The following USP30 variants were observed in gnomAD, a reference collection of about 807,000 sequenced individuals.
The protein encoded by USP30 is ubiquitin specific peptidase 30, also known as ubiquitin carboxyl-terminal hydrolase 30.
In USP30, 41 loss-of-function variants were observed where a neutral mutation model predicts 68.2. That is an observed-to-expected ratio of 0.60 (90% CI 0.47 to 0.78). USP30 has a LOEUF of 0.78. USP30 is among the 30% of genes least tolerant of loss of function. USP30 has a pLI of 0.00. For missense variants in USP30, 522 were observed against 649.4 expected (o/e 0.80, Z 2.13); for synonymous variants, 229 against 253.7 (o/e 0.90, Z 0.93).
chr12:109,048,503 A>T (rs974903028), upstream of USP30, among the ~76,000 whole-genome samples: 1 of 151,986 alleles, frequency 6.6e-6, no homozygotes, highest in Non-Finnish European at 1.5e-5. Context: ...GGCAGTGGTG[A>T]TTCCGTATCT....
At chr12:109,032,222 T>C (rs1015845554) in intron 3 of USP30, among the ~76,000 whole-genome samples, 1 of 152,060 alleles carries the variant, frequency 6.6e-6, no homozygotes, top group Non-Finnish European at 1.5e-5. Flanking sequence ...GAGGGTTGCT[T>C]GAGCCCAGGA....
upstream of USP30, among the ~76,000 whole-genome samples, chr12:109,048,078 CTTT>C (rs571441531): frequency 4.5e-5 from 6 of 134,326 alleles, no homozygotes; most frequent in Non-Finnish European, 4.8e-5. Context: ...AGAATGCCTA[CTTT>C]TTTTTTTTTT....
chr12:109,060,309 GA>G (rs1305959273), intron 3 of USP30, among the ~76,000 whole-genome samples: 3 of 151,984 alleles, frequency 2.0e-5, no homozygotes, highest in African/African-American at 4.8e-5. Flanking sequence ...ATCATTTTTG[GA>G]AAAAAACTAT....
At chr12:109,045,014 G>GT (rs2040592601) in intron 3 of USP30, among the ~76,000 whole-genome samples, 6 of 68,422 alleles carry the variant, frequency 8.8e-5, no homozygotes, top group Admixed American at 6.1e-4. Context: ...TTTTTTTTCT[G>GT]TTACCCAGGC....
At chr12:109,025,063 C>G (rs1280974893) in exon 2 of USP30, 3 of 152,196 alleles carry the variant, frequency 2.0e-5, no homozygotes, top group African/African-American at 7.2e-5. Flanking sequence ...AGAACAGAAA[C>G]AGAGGAAAGG....
intron 1 of USP30, among the ~76,000 whole-genome samples, chr12:109,023,487 A>G (rs2135643248): frequency 6.6e-6 from 1 of 152,210 alleles, no homozygotes; most frequent in South Asian, 2.1e-4. Flanking sequence ...GCCAGGAAGC[A>G]GAGGTTGCAA....
intron 2 of USP30, among the ~76,000 whole-genome samples, chr12:109,025,895 C>T (rs1444627474): frequency 6.6e-6 from 1 of 151,958 alleles, no homozygotes; most frequent in Non-Finnish European, 1.5e-5. Flanking sequence ...GCTTCATTGC[C>T]CAGGCCGATC....
chr12:109,079,351 CTTTTTTTTTTT>C (rs71079521), intron 7 of USP30, among the ~76,000 whole-genome samples: 76 of 48,794 alleles, frequency 1.6e-3, no homozygotes, highest in Non-Finnish European at 2.1e-3. Flanking sequence ...TTTTTTTTTT[CTTTTTTTTTTT>C]TTTTTTTTTT....
chr12:109,059,860 C>T (rs2041007190), intron 3 of USP30: 1 of 152,060 alleles, frequency 6.6e-6, no homozygotes, highest in African/African-American at 2.4e-5. Context: ...TTTTTTTCTT[C>T]ATAAAATCTG....
At chr12:109,068,848 A>G (rs2041341429) in intron 4 of USP30, among the ~76,000 whole-genome samples, 1 of 152,188 alleles carries the variant, frequency 6.6e-6, no homozygotes, top group South Asian at 2.1e-4. Context: ...TTCTCTTTGA[A>G]GGTACCCAGA....
rs760981398 is a variant in USP30, at chr12:109,084,937, C to A, written c.1169-16C>A. 1.9e-6 allele frequency: 3 copies of A among 1,555,432 alleles called. No individual in the cohort carries two copies. Among genetic ancestry groups the A allele is most frequent in the Admixed American group, 1.9e-5 (1 of 52,238 alleles). On this transcript the variant is annotated splice_polypyrimidine_tract_variant and intron_variant, in intron 11 of 12. Coordinates refer to ENST00000257548, the MANE Select transcript of USP30 (RefSeq NM_032663.5). ...CACTGCTAATTTTCATTGACTCGGGCCTTTTTCTCTTGCAGTTCTGAATCA... is the reference window on the plus strand; with the variant it reads ...CACTGCTAATTTTCATTGACTCGGGACTTTTTCTCTTGCAGTTCTGAATCA...
At chr12:109,073,817 GTT>G (rs2041517201) in intron 7 of USP30, among the ~76,000 whole-genome samples, 1 of 152,074 alleles carries the variant, frequency 6.6e-6, no homozygotes, top group East Asian at 1.9e-4. Context: ...TCTAGGGCTG[GTT>G]TTTTCCCCTT....
At chr12:109,068,817 C>T (rs181594375) in intron 4 of USP30, among the ~76,000 whole-genome samples, 251 of 152,328 alleles carry the variant, frequency 1.6e-3, no homozygotes, top group Middle Eastern at 3.4e-3. Flanking sequence ...AAGAGGTGAA[C>T]ACGTCTGTCC....
intron 11 of USP30, among the ~76,000 whole-genome samples, chr12:109,084,531 G>T (rs1162964107): frequency 6.6e-6 from 1 of 152,152 alleles, no homozygotes; most frequent in Non-Finnish European, 1.5e-5. Flanking sequence ...GTGGGTAGAG[G>T]CCAGGGATGC....
At chr12:109,049,355 G>C (rs2040636574), upstream of USP30, among the ~76,000 whole-genome samples, 1 of 152,154 alleles carries the variant, frequency 6.6e-6, no homozygotes, top group African/African-American at 2.4e-5. Flanking sequence ...CCTGAGAAGA[G>C]TGAGAGAGAG....
intron 7 of USP30, among the ~76,000 whole-genome samples, chr12:109,079,165 A>C (rs1445748829): frequency 6.6e-6 from 1 of 151,902 alleles, no homozygotes; most frequent in Admixed American, 6.6e-5. Context: ...TTTTTCAACA[A>C]AGATTTTATG....
Position 109,073,631 on chromosome 12 carries a change from G to A in USP30, c.720+99G>A, listed in dbSNP as rs1355638475. ...GAGTGGGCTGACATCGGTCACTGGT[G>A]TTAGAGACTACCTGGCCTCTGCACA... is the stretch of plus-strand genomic sequence containing the variant. On this transcript the variant is annotated intron_variant, in intron 7 of 12. Coordinates refer to ENST00000257548, the MANE Select transcript of USP30 (RefSeq NM_032663.5). The A allele has an allele frequency of 7.6e-6, 8 of 1,046,586 alleles. No homozygotes were observed. In the Admixed American group the frequency reaches 1.4e-4, roughly 18 times the overall value. 64.8% of individuals were successfully genotyped at this position (1,046,586 alleles called of 1,614,324 possible). A position where few individuals can be genotyped will look rare whatever the true frequency, so the allele number is the denominator to read the frequency against.
intron 3 of USP30, among the ~76,000 whole-genome samples, chr12:109,064,879 G>A (rs2041198993): frequency 6.6e-6 from 1 of 151,004 alleles, no homozygotes; most frequent in Non-Finnish European, 1.5e-5. Context: ...GTTGGTGGGG[G>A]GAGCTAACAG....
At chr12:109,047,574 C>T (rs1359437281) in intron 3 of USP30, 1 of 152,158 alleles carries the variant, frequency 6.6e-6, no homozygotes, top group Non-Finnish European at 1.5e-5. Flanking sequence ...CATGTGAAAG[C>T]ATCTTGTTTT....
Sources: allele counts gnomAD v4.1 joint callset (sites outside exome capture counted in the v4.1 genomes callset), GRCh38; gene constraint gnomAD v4.1.1; transcripts MANE v1.5; gene names NCBI Gene and HGNC (gene_info 2026-07-23, HGNC 2026-07-21).